Variants in GSE1 observed in about 807,000 individuals in gnomAD.
GSE1 encodes Gse1 coiled-coil protein, also known as genetic suppressor element 1.
Under a neutral mutation model 112.6 loss-of-function variants are expected in GSE1, and 32 were observed. That is an observed-to-expected ratio of 0.28 (90% confidence interval 0.21 to 0.38). GSE1 has a LOEUF of 0.38. Ranked by LOEUF, GSE1 falls within the 10% of genes least tolerant of loss-of-function variation. The probability of loss-of-function intolerance (pLI) is 1.00; values close to 1 mark genes in which losing one functional copy is unlikely to be tolerated. For synonymous variants in GSE1, 1,115 were observed against 735.6 expected (o/e 1.52, Z -8.35); for missense variants, 2,348 against 1,699.2 (o/e 1.38, Z -6.71).
At chr16:85,258,882 A>G (rs993029229) in intron 1 of GSE1, among the ~76,000 whole-genome samples, 1 of 151,682 alleles carries the variant, frequency 6.6e-6, no homozygotes, top group African/African-American at 2.4e-5. Flanking sequence ...TGTTCTGCCA[A>G]CCTCCCCCCG....
intron 1 of GSE1, among the ~76,000 whole-genome samples, chr16:85,304,613 G>GGGGGGGC (rs1597345354): frequency 1.5e-5 from 2 of 131,730 alleles, no homozygotes; most frequent in Admixed American, 7.9e-5. Flanking sequence ...GGGGGGTGGG[G>GGGGGGGC]CATCCCTTTT....
Position 85,352,361 on chromosome 16 carries a change from C to T in GSE1, c.2284-5102C>T, listed in dbSNP as rs553494507. On this transcript the variant is annotated intron_variant, in intron 1 of 2. Transcript: ENST00000637419. ...ACTAAAGCTTTAAAGGTGGTGGCTG[C>T]GGTCCAGGGAAATTCAGGAAACAAT... 9.3e-4 allele frequency among the ~76,000 whole-genome samples: 141 copies of T among 152,296 alleles called. 1 individual carries two copies. In the South Asian group the frequency reaches 0.012, roughly 13 times the overall value.
In GSE1 at chr16:85,634,051, G is replaced by A. The variant is rs199588508; in HGVS notation, c.145G>A (p.Ala49Thr). Reference sequence around the variant, plus strand: ...CAGCGGCAGCCCCGCCACCAGCAGCGCGCTGTCGGCCCAGGCCGCGCCATC... The same window carrying A: ...CAGCGGCAGCCCCGCCACCAGCAGCACGCTGTCGGCCCAGGCCGCGCCATC... ...VPSGSPATSS[A>T]LSAQAAPSSS... Residue 49 changes from alanine to threonine, a missense_variant, in exon 2 of 16, where the codon GCG becomes ACG. Transcript: ENST00000253458. 24 of 1,609,106 alleles carry A rather than the reference G, an allele frequency of 1.5e-5. No homozygotes were observed. The highest frequency in any genetic ancestry group is 1.7e-4 in the Middle Eastern group (1 of 6,048).
upstream of GSE1, among the ~76,000 whole-genome samples, chr16:85,609,344 C>G (rs908324399): frequency 2.0e-5 from 3 of 152,264 alleles, no homozygotes; most frequent in Non-Finnish European, 4.4e-5. Context: ...AATGATCCTC[C>G]TGCCTCAGTC....
At chr16:85,503,557 A>G (rs1007608591) in intron 2 of GSE1, among the ~76,000 whole-genome samples, 8 of 152,108 alleles carry the variant, frequency 5.3e-5, no homozygotes, top group Admixed American at 5.2e-4. Context: ...CGGCCCACGG[A>G]GCTCTGATTG....
chr16:85,481,084 G>A (rs1388544782), intron 2 of GSE1, among the ~76,000 whole-genome samples: 1 of 150,368 alleles, frequency 6.7e-6, no homozygotes, highest in Non-Finnish European at 1.5e-5. Flanking sequence ...TTCTCCAACC[G>A]GCCCTGACAC....
chr16:85,426,392 G>A (rs1450423461), intron 2 of GSE1, among the ~76,000 whole-genome samples: 1 of 146,864 alleles, frequency 6.8e-6, no homozygotes, highest in Non-Finnish European at 1.5e-5. Flanking sequence ...TAGATGGTGG[G>A]TGAATGAATG....
upstream of GSE1, among the ~76,000 whole-genome samples, chr16:85,612,165 G>A (rs1319818240): frequency 6.6e-6 from 1 of 151,586 alleles, no homozygotes. Context: ...CGGCAGGGGA[G>A]GCTCGCCGAC....
chr16:85,639,982 C>T (rs931908857), intron 2 of GSE1, among the ~76,000 whole-genome samples: 7 of 152,170 alleles, frequency 4.6e-5, no homozygotes, highest in Admixed American at 2.0e-4. Context: ...CAGTTGGGGG[C>T]GATCGTGCTG....
intron 1 of GSE1, among the ~76,000 whole-genome samples, chr16:85,188,443 C>T (rs1198306122): frequency 2.6e-5 from 4 of 152,122 alleles, no homozygotes; most frequent in Admixed American, 1.3e-4. Flanking sequence ...GTCACCTAGA[C>T]CTCAAAAACA....
At chr16:85,237,478 G>C (rs1376335117) in intron 1 of GSE1, among the ~76,000 whole-genome samples, 1 of 152,106 alleles carries the variant, frequency 6.6e-6, no homozygotes, top group Non-Finnish European at 1.5e-5. Flanking sequence ...AGGGAGTTCC[G>C]AGCTGGGGAT....
intron 1 of GSE1, among the ~76,000 whole-genome samples, chr16:85,233,968 A>AGC (rs1358852941): frequency 5.3e-5 from 8 of 152,244 alleles, no homozygotes; most frequent in African/African-American, 1.9e-4. Flanking sequence ...CGGCTCCTCA[A>AGC]ACCTGAATGG....
chr16:85,652,565 G>GCGGCGGCTC (rs1555563150), intron 3 of GSE1, among the ~76,000 whole-genome samples: 2 of 151,752 alleles, frequency 1.3e-5, no homozygotes, highest in African/African-American at 4.9e-5. Flanking sequence ...GGCGGCGGCG[G>GCGGCGGCTC]CTCCTCCAGT....
At chr16:85,353,930 G>T (rs2046900192) in intron 1 of GSE1, among the ~76,000 whole-genome samples, 1 of 152,232 alleles carries the variant, frequency 6.6e-6, no homozygotes, top group South Asian at 2.1e-4. Context: ...TTTGCAGGAA[G>T]CCTGCTGCCT....
Position 85,224,930 on chromosome 16 carries a change from C to G in GSE1, c.2283+53123C>G, listed in dbSNP as rs1013803976. Among the ~76,000 whole-genome samples the G allele has an allele frequency of 3.9e-5, 6 of 152,036 alleles. 1 individual carries two copies. The Middle Eastern group carries it at 0.017, about 434-fold the overall frequency. On this transcript the variant is annotated intron_variant, in intron 1 of 2. Transcript: ENST00000637419. Reference sequence around the variant, plus strand: ...AGATCACGAGGTCAGGAGTTTGAGACCAGCCTGGCCAATATGGTGAAACCC... The same window carrying G: ...AGATCACGAGGTCAGGAGTTTGAGAGCAGCCTGGCCAATATGGTGAAACCC...
intron 1 of GSE1, among the ~76,000 whole-genome samples, chr16:85,347,746 G>A (rs2046772643): frequency 6.6e-6 from 1 of 152,100 alleles, no homozygotes; most frequent in African/African-American, 2.4e-5. Flanking sequence ...CTGGCCCTCA[G>A]TAGATGCTGT....
intron 1 of GSE1, among the ~76,000 whole-genome samples, chr16:85,298,376 G>T (rs1358853332): frequency 6.6e-6 from 1 of 152,114 alleles, no homozygotes; most frequent in African/African-American, 2.4e-5. Flanking sequence ...GCTGAGCAGG[G>T]CTATCACCAC....
chr16:85,425,216 C>T (rs1454685820), intron 2 of GSE1, among the ~76,000 whole-genome samples: 1 of 148,776 alleles, frequency 6.7e-6, no homozygotes, highest in Non-Finnish European at 1.5e-5. Flanking sequence ...ACGATAGAAG[C>T]TGCTTGAGGC....
At chr16:85,640,368 C>T (rs1036606151) in intron 2 of GSE1, among the ~76,000 whole-genome samples, 35 of 152,336 alleles carry the variant, frequency 2.3e-4, no homozygotes, top group Admixed American at 7.2e-4. Flanking sequence ...ACCCATAGCC[C>T]GGCTTGGGCC....
Sources: allele counts gnomAD v4.1 joint callset (sites outside exome capture counted in the v4.1 genomes callset), GRCh38; gene constraint gnomAD v4.1.1; transcripts MANE v1.5; gene names NCBI Gene and HGNC (gene_info 2026-07-23, HGNC 2026-07-21).